The following ITPR2 variants were observed in gnomAD, a reference collection of about 807,000 sequenced individuals.
ITPR2 encodes the protein inositol 1,4,5-trisphosphate receptor type 2, also known as inositol 1,4,5-trisphosphate-gated calcium channel ITPR2.
Under a neutral mutation model 317.1 loss-of-function variants are expected in ITPR2, and 207 were observed. The ratio of observed to expected loss-of-function variants is 0.65; its 90% CI spans 0.58 to 0.73. ITPR2 has a LOEUF of 0.73. Ranked by LOEUF, ITPR2 falls within the 30% of genes least tolerant of loss-of-function variation. The pLI is 0.00. For synonymous variants in ITPR2, 1,156 were observed against 1,149.1 expected, an observed-to-expected ratio of 1.01 and a Z score of -0.12; for missense variants, 2,613 against 3,284.0, an observed-to-expected ratio of 0.80 and a Z score of 4.99.
chr12:26,646,045 C>T (rs538874955), intron 21 of ITPR2, among the ~76,000 whole-genome samples: 1 of 131,200 alleles, frequency 7.6e-6, no homozygotes, highest in African/African-American at 2.9e-5. Context: ...TCAGGACATT[C>T]AAGCTGGTGT....
At chr12:26,396,988 A>G (rs4963990) in intron 54 of ITPR2, among the ~76,000 whole-genome samples, 150,747 of 152,214 alleles carry the variant, frequency 0.99, 74,659 homozygotes, top group Middle Eastern at 1. Context: ...TCCTGCTTTC[A>G]TTACCTTTCA....
chr12:26,656,301 G>T lies in ITPR2; in HGVS notation c.2440C>A (p.His814Asn). Residue 814 changes from histidine (H) to asparagine (N), a missense_variant, in exon 19 of 57, where the codon CAT becomes AAT. His to Asn is a moderately conservative substitution (Grantham distance 68). This residue lies in a region of ITPR2 where 817 missense variants were observed against 897.6 expected (regional missense o/e 0.91). Coordinates refer to ENST00000381340, the MANE Select transcript of ITPR2 (RefSeq NM_002223.4). Reference protein sequence around the residue: ...WTEIPTKITIHEYDSITDSSR... With the variant: ...WTEIPTKITINEYDSITDSSR... Reference sequence around the variant, plus strand: ...AAGACCTTTTTCCAAACATACTCATGAATTGTGATCTTTGTGGGGATTTCT... The same window carrying T: ...AAGACCTTTTTCCAAACATACTCATTAATTGTGATCTTTGTGGGGATTTCT... 1.2e-6 allele frequency: 2 copies of T among 1,614,104 alleles called. No individual in the cohort carries two copies. The highest frequency in any genetic ancestry group is 1.7e-6 in the Non-Finnish European group (2 of 1,179,992).
intron 21 of ITPR2, among the ~76,000 whole-genome samples, chr12:26,635,974 AAGATCAAGATTAAACAGCC>A (rs1946855325): frequency 6.6e-6 from 1 of 152,242 alleles, no homozygotes; most frequent in South Asian, 2.1e-4. Context: ...GGTTAAGGGG[AAGATCAAGATTAAACAGCC>A]AGAGAAAGCA....
intron 26 of ITPR2, among the ~76,000 whole-genome samples, chr12:26,613,589 C>G (rs1458262928): frequency 6.8e-6 from 1 of 147,878 alleles, no homozygotes; most frequent in Non-Finnish European, 1.5e-5. Context: ...CACACACACA[C>G]GGCAAAAAGG....
intron 32 of ITPR2, among the ~76,000 whole-genome samples, chr12:26,593,278 G>A (rs1457403281): frequency 6.6e-6 from 1 of 152,194 alleles, no homozygotes; most frequent in Non-Finnish European, 1.5e-5. Context: ...ACAAGGACCA[G>A]CAATCTGTAT....
chr12:26,361,502 A>G (rs1056351094), intron 55 of ITPR2, among the ~76,000 whole-genome samples: 3 of 152,182 alleles, frequency 2.0e-5, no homozygotes, highest in African/African-American at 7.2e-5. Flanking sequence ...ACAATTATAC[A>G]ATCCAGCTTG....
chr12:26,665,070 C>T (rs943201880), intron 14 of ITPR2, among the ~76,000 whole-genome samples: 3 of 152,116 alleles, frequency 2.0e-5, no homozygotes, highest in Non-Finnish European at 2.9e-5. Flanking sequence ...TAGGCATGTC[C>T]ATATGTGCAT....
At chr12:26,618,889 A>T (rs1325905781) in intron 26 of ITPR2, among the ~76,000 whole-genome samples, 1 of 152,248 alleles carries the variant, frequency 6.6e-6, no homozygotes, top group Non-Finnish European at 1.5e-5. Context: ...AATAGGCTAA[A>T]TAAATATACC....
chr12:26,575,852 T>A (rs1383148318), intron 34 of ITPR2, among the ~76,000 whole-genome samples: 1 of 152,186 alleles, frequency 6.6e-6, no homozygotes, highest in Non-Finnish European at 1.5e-5. Flanking sequence ...AGTCACAACA[T>A]GGAATTTCAC....
chr12:26,350,989 T>G (rs1938463976), intron 55 of ITPR2, among the ~76,000 whole-genome samples: 3 of 152,094 alleles, frequency 2.0e-5, no homozygotes, highest in African/African-American at 7.2e-5. Context: ...GACCCAGGAC[T>G]GGGGAGGTCT....
intron 21 of ITPR2, among the ~76,000 whole-genome samples, chr12:26,633,954 A>G (rs1197540750): frequency 1.3e-5 from 2 of 152,224 alleles, no homozygotes; most frequent in Non-Finnish European, 2.9e-5. Flanking sequence ...ACTACACAGA[A>G]AGTTAGCCCA....
At chr12:26,474,996 C>T (rs1056655591) in intron 45 of ITPR2, among the ~76,000 whole-genome samples, 2 of 152,096 alleles carry the variant, frequency 1.3e-5, no homozygotes, top group Admixed American at 1.3e-4. Context: ...TTCCCCTCTC[C>T]TTCAGGACCC....
intron 49 of ITPR2, among the ~76,000 whole-genome samples, 180 bp downstream of exon 49, chr12:26,427,733 A>G (rs555661975): frequency 1.3e-5 from 2 of 152,168 alleles, no homozygotes; most frequent in South Asian, 2.1e-4. Context: ...TTTACCTATC[A>G]TTTTTTCTTT....
In ITPR2 at chr12:26,832,880, G is replaced by T; in HGVS notation, c.-99C>A. ...GCGGCAGAAGCGGATCGGATCGCGG[G>T]ACTACAGCGGCCAAGAGCCGCGGCG... On this transcript the variant is annotated 5_prime_UTR_variant, in exon 1 of 57. Coordinates refer to ENST00000381340, the MANE Select transcript of ITPR2 (RefSeq NM_002223.4). The T allele has an allele frequency of 1.1e-6, 1 of 926,352 alleles. No homozygotes were observed. The highest frequency in any genetic ancestry group is 1.7e-6 in the Non-Finnish European group (1 of 592,178). The allele number at this position is 926,352 out of a possible 1,614,324, so 57.4% of individuals were successfully genotyped here.
chr12:26,557,159 T>C (rs546540500), intron 35 of ITPR2, among the ~76,000 whole-genome samples: 1 of 152,292 alleles, frequency 6.6e-6, no homozygotes, highest in East Asian at 1.9e-4. Context: ...GTCACTGAAA[T>C]ATTATTTGAA....
intron 45 of ITPR2, among the ~76,000 whole-genome samples, chr12:26,456,452 C>G (rs1262036186): frequency 6.6e-6 from 1 of 152,200 alleles, no homozygotes; most frequent in African/African-American, 2.4e-5. Context: ...AGAAAACTCA[C>G]AAATAATCCA....
At chr12:26,696,284 A>C (rs889052817) in intron 9 of ITPR2, among the ~76,000 whole-genome samples, 1 of 152,176 alleles carries the variant, frequency 6.6e-6, no homozygotes, top group African/African-American at 2.4e-5. Context: ...TTGTCCTTAC[A>C]GTCTCAAAGC....
chr12:26,489,917 G>A (rs955497207), intron 39 of ITPR2, among the ~76,000 whole-genome samples: 8 of 152,116 alleles, frequency 5.3e-5, no homozygotes, highest in African/African-American at 9.7e-5. Flanking sequence ...GGAGGAGTGC[G>A]CTTTAGACTG....
chr12:26,450,995 CCTT>C lies in ITPR2; in HGVS notation c.6343-7348_6343-7346del, dbSNP rs1941726302. On this transcript the variant is annotated intron_variant, in intron 45 of 56. Transcript: ENST00000381340. ...TGTTTCTTGGAAAGTTAATTCTTGT[CCTT>C]CTTTCTTTCCAAGACACCCTTGTTC... 2.0e-5 allele frequency among the ~76,000 whole-genome samples: 3 copies of C among 152,162 alleles called. No homozygotes were observed. The South Asian group carries it at 6.2e-4, about 32-fold the overall frequency.
Sources: gnomAD v4.1 joint callset for allele counts (sites outside exome capture counted in the v4.1 genomes callset) on GRCh38, gnomAD v4.1.1 for gene constraint, gnomAD v4.1.1 regional missense constraint, MANE v1.5 for transcripts, NCBI Gene and HGNC (gene_info 2026-07-23, HGNC 2026-07-21) for gene names.